The following DNER variants were observed in gnomAD, a reference collection of about 807,000 sequenced individuals.
DNER encodes delta/notch like EGF repeat containing.
Under a neutral mutation model 78.2 loss-of-function variants are expected in DNER, and 33 were observed. The observed-to-expected ratio is 0.42, with a 90% confidence interval of 0.32 to 0.56. The LOEUF (loss-of-function observed/expected upper bound fraction) is 0.56, where lower values mean the gene tolerates loss of function less well. DNER is among the 20% of genes least tolerant of loss of function. The probability of loss-of-function intolerance (pLI) is 0.11; values close to 1 mark genes in which losing one functional copy is unlikely to be tolerated. For missense variants in DNER, 918 were observed against 975.3 expected (o/e 0.94, Z 0.78); for synonymous variants, 417 against 384.8 (o/e 1.08, Z -0.98).
intron 5 of DNER, among the ~76,000 whole-genome samples, chr2:229,516,423 A>G (rs753975515): frequency 9.1e-4 from 138 of 152,228 alleles, no homozygotes; most frequent in Non-Finnish European, 1.1e-3. Context: ...CTCCACCAGC[A>G]TAAGGGACAA....
At chr2:229,558,490 T>C (rs191753885) in intron 4 of DNER, among the ~76,000 whole-genome samples, 3 of 152,374 alleles carry the variant, frequency 2.0e-5, no homozygotes, top group Admixed American at 2.0e-4. Context: ...TATAACCTTA[T>C]ATTCCTCACT....
At chr2:229,540,268 G>C (rs962916015) in intron 5 of DNER, among the ~76,000 whole-genome samples, 1 of 152,076 alleles carries the variant, frequency 6.6e-6, no homozygotes, top group Non-Finnish European at 1.5e-5. Flanking sequence ...TTCCAGATGG[G>C]GAACAGCATG....
intron 1 of DNER, among the ~76,000 whole-genome samples, chr2:229,687,509 C>T (rs2154217303): frequency 6.6e-6 from 1 of 152,236 alleles, no homozygotes; most frequent in Admixed American, 6.5e-5. Flanking sequence ...AATGATCCAC[C>T]TACCTCGGCC....
intron 5 of DNER, among the ~76,000 whole-genome samples, chr2:229,521,280 A>G (rs1246819960): frequency 6.6e-6 from 1 of 152,218 alleles, no homozygotes. Flanking sequence ...CTAAGCAGCC[A>G]TCAGTGGGAG....
At position 229,366,926 on chromosome 2, in the gene DNER, G is replaced by A. The variant is rs751581618; in HGVS notation, c.2049C>T (p.Cys683=). ...SRPAYEEFYN[C]RSIDSEFSNA... is the part of the protein sequence containing the mutation. ...TGCTGAACTCGCTGTCGATGCTGCG[G>A]CAGTTGTAGAACTCCTCATAGGCTG... The change falls in exon 12 of 13, where the codon TGC becomes TGT. Residue 683 remains cysteine, a synonymous_variant. Coordinates refer to ENST00000341772, the MANE Select transcript of DNER (RefSeq NM_139072.4). 2 of 1,614,198 alleles carry A rather than the reference G, an allele frequency of 1.2e-6. No individual in the cohort carries two copies. Among genetic ancestry groups the A allele is most frequent in the Non-Finnish European group, 1.7e-6 (2 of 1,180,034 alleles).
intron 5 of DNER, among the ~76,000 whole-genome samples, chr2:229,539,249 C>CTCA (rs1304855686): frequency 2.0e-5 from 3 of 152,104 alleles, no homozygotes; most frequent in Non-Finnish European, 2.9e-5. Flanking sequence ...GGAATGAGTT[C>CTCA]TCAGGGAAGT....
intron 1 of DNER, among the ~76,000 whole-genome samples, chr2:229,678,598 T>C (rs1359916265): frequency 1.3e-5 from 2 of 152,206 alleles, no homozygotes; most frequent in Non-Finnish European, 2.9e-5. Context: ...AATTTGTGTG[T>C]TGCAAAAGCT....
chr2:229,549,784 G>A (rs778729456), intron 4 of DNER, among the ~76,000 whole-genome samples: 1 of 151,728 alleles, frequency 6.6e-6, no homozygotes, highest in Non-Finnish European at 1.5e-5. Flanking sequence ...GTTGGCATGC[G>A]CCTGTAATCC....
At chr2:229,472,220 T>C (rs904604219) in intron 7 of DNER, among the ~76,000 whole-genome samples, 2 of 152,152 alleles carry the variant, frequency 1.3e-5, no homozygotes, top group Non-Finnish European at 2.9e-5. Context: ...TTGGATAAAA[T>C]GATATGTTTT....
intron 9 of DNER, among the ~76,000 whole-genome samples, chr2:229,417,704 G>T (rs758901368): frequency 6.6e-6 from 1 of 152,022 alleles, no homozygotes; most frequent in Admixed American, 6.6e-5. Context: ...ATGGGACTCC[G>T]CCTGCCTCCT....
chr2:229,587,218 C>G (rs1488282493), intron 3 of DNER: 1 of 156,410 alleles, frequency 6.4e-6, no homozygotes, highest in African/African-American at 2.4e-5. Flanking sequence ...GCTCCTAAAA[C>G]TAGCCCAGGA....
intron 1 of DNER, among the ~76,000 whole-genome samples, chr2:229,676,361 T>C (rs1699300456): frequency 6.6e-6 from 1 of 152,200 alleles, no homozygotes; most frequent in South Asian, 2.1e-4. Flanking sequence ...CCAGAGAGCA[T>C]ACTCACCTGC....
intron 6 of DNER, among the ~76,000 whole-genome samples, chr2:229,491,208 C>T (rs1168621584): frequency 1.3e-5 from 2 of 152,226 alleles, no homozygotes; most frequent in Admixed American, 1.3e-4. Flanking sequence ...ATGACCTTTG[C>T]ACATTATCTT....
At chr2:229,524,684 A>G (rs1022727309) in intron 5 of DNER, among the ~76,000 whole-genome samples, 2 of 152,162 alleles carry the variant, frequency 1.3e-5, no homozygotes, top group Non-Finnish European at 2.9e-5. Flanking sequence ...CCCTTCACCA[A>G]TCTTGGAGAT....
At chr2:229,427,412 G>T (rs1693901797) in intron 8 of DNER, among the ~76,000 whole-genome samples, 1 of 152,222 alleles carries the variant, frequency 6.6e-6, no homozygotes, top group Non-Finnish European at 1.5e-5. Flanking sequence ...GTCAGGCACT[G>T]TGCTAGTCAC....
intron 8 of DNER, among the ~76,000 whole-genome samples, chr2:229,436,508 T>A (rs1207420675): frequency 1.3e-5 from 2 of 152,094 alleles, no homozygotes; most frequent in Non-Finnish European, 2.9e-5. Context: ...GATTCTCCGA[T>A]GTCAAAAATG....
chr2:229,586,508 TAAAAAAAAAAAAAAAAAAAAAAAA>T (rs555047737), intron 3 of DNER, among the ~76,000 whole-genome samples: 156 of 13,490 alleles, frequency 0.012, 6 homozygotes, highest in African/African-American at 0.04. Context: ...TCATTTTTGG[TAAAAAAAAAAAAAAAAAAAAAAAA>T]AAAAAAAAAA....
intron 7 of DNER, among the ~76,000 whole-genome samples, chr2:229,457,086 A>C (rs550804660): frequency 5.5e-4 from 84 of 152,206 alleles, no homozygotes; most frequent in Non-Finnish European, 9.4e-4. Flanking sequence ...TCTAGTAATC[A>C]AGGTTAATTA....
intron 1 of DNER, among the ~76,000 whole-genome samples, chr2:229,639,524 G>T (rs1698580821): frequency 1.3e-5 from 2 of 152,084 alleles, no homozygotes; most frequent in Admixed American, 1.3e-4. Flanking sequence ...AAAGTGCTGG[G>T]ATTACAGGCA....
Sources: gnomAD v4.1 joint callset for allele counts (sites outside exome capture counted in the v4.1 genomes callset) on GRCh38, gnomAD v4.1.1 for gene constraint, MANE v1.5 for transcripts, NCBI Gene and HGNC (gene_info 2026-07-23, HGNC 2026-07-21) for gene names.